The following LHFPL3 variants were observed in gnomAD, a reference collection of about 807,000 sequenced individuals.
The protein encoded by LHFPL3 is LHFPL tetraspan subfamily member 3.
Under a neutral mutation model 19.3 loss-of-function variants are expected in LHFPL3, and 5 were observed. The ratio of observed to expected loss-of-function variants is 0.26; its 90% CI spans 0.14 to 0.54. LHFPL3 has a LOEUF of 0.54. Ranked by LOEUF, LHFPL3 falls within the 20% of genes least tolerant of loss-of-function variation. LHFPL3 has a pLI of 0.94. For missense variants in LHFPL3, 249 were observed against 307.4 expected (o/e 0.81, Z 1.42); for synonymous variants, 133 against 126.2 (o/e 1.05, Z -0.36).
intron 2 of LHFPL3, among the ~76,000 whole-genome samples, chr7:104,879,360 G>A (rs1041702608): frequency 6.6e-6 from 1 of 152,124 alleles, no homozygotes; most frequent in East Asian, 1.9e-4. Context: ...GGGTTGCAGT[G>A]AGTTGAGATT....
At chr7:104,751,058 T>C (rs959783736) in intron 2 of LHFPL3, among the ~76,000 whole-genome samples, 2 of 138,536 alleles carry the variant, frequency 1.4e-5, no homozygotes, top group African/African-American at 5.4e-5. Flanking sequence ...TTCCTCCAAA[T>C]GTTCTAACTT....
At chr7:104,712,925 A>G (rs1320644449) in intron 1 of LHFPL3, among the ~76,000 whole-genome samples, 1 of 152,234 alleles carries the variant, frequency 6.6e-6, no homozygotes, top group Non-Finnish European at 1.5e-5. Context: ...ATCATTTCAT[A>G]TATAAAAATC....
intron 1 of LHFPL3, among the ~76,000 whole-genome samples, chr7:104,578,502 T>C (rs1311998621): frequency 6.6e-6 from 1 of 152,202 alleles, no homozygotes; most frequent in Non-Finnish European, 1.5e-5. Context: ...TGAAAAAATT[T>C]TAAAGACTTG....
chr7:104,673,218 GAA>G (rs1452892279), intron 1 of LHFPL3, among the ~76,000 whole-genome samples: 2 of 152,188 alleles, frequency 1.3e-5, no homozygotes, highest in Non-Finnish European at 2.9e-5. Context: ...TGCAAAGTAC[GAA>G]AAGAGTTTAT....
chr7:104,514,897 C>T (rs2115783823), intron 1 of LHFPL3, among the ~76,000 whole-genome samples: 1 of 152,278 alleles, frequency 6.6e-6, no homozygotes, highest in Admixed American at 6.5e-5. Flanking sequence ...TCTTATGAAG[C>T]AACCCACCTT....
intron 1 of LHFPL3, among the ~76,000 whole-genome samples, chr7:104,576,401 C>G (rs1272356615): frequency 6.6e-6 from 1 of 152,162 alleles, no homozygotes; most frequent in Non-Finnish European, 1.5e-5. Flanking sequence ...ACTGCAAACA[C>G]ACTATTTATA....
At chr7:104,549,487 A>ACACACACT (rs1417699469) in intron 1 of LHFPL3, among the ~76,000 whole-genome samples, 3 of 149,022 alleles carry the variant, frequency 2.0e-5, no homozygotes, top group Non-Finnish European at 4.4e-5. Flanking sequence ...ACACACACAC[A>ACACACACT]CACTTATGTA....
At chr7:104,824,279 A>ATT (rs1790755666) in intron 2 of LHFPL3, among the ~76,000 whole-genome samples, 2 of 10,386 alleles carry the variant, frequency 1.9e-4, no homozygotes, top group Non-Finnish European at 3.5e-4. Context: ...TATTATATAC[A>ATT]ATATATATAA....
intron 1 of LHFPL3, among the ~76,000 whole-genome samples, chr7:104,593,281 C>T (rs1326732513): frequency 4.6e-5 from 7 of 152,030 alleles, no homozygotes; most frequent in African/African-American, 9.7e-5. Context: ...TATTTCTGCC[C>T]TCATTTCGTT....
chr7:104,509,685 A>T (rs1220232646), intron 1 of LHFPL3, among the ~76,000 whole-genome samples: 1 of 152,126 alleles, frequency 6.6e-6, no homozygotes, highest in African/African-American at 2.4e-5. Context: ...CAAGGCAAGG[A>T]TGTCTACTCT....
At chr7:104,739,177 T>C (rs1049449214) in intron 2 of LHFPL3, among the ~76,000 whole-genome samples, 3 of 152,192 alleles carry the variant, frequency 2.0e-5, no homozygotes, top group Admixed American at 2.0e-4. Context: ...CAGACCAGGA[T>C]TTCTAAGCCT....
intron 1 of LHFPL3, among the ~76,000 whole-genome samples, chr7:104,569,891 A>G (rs1047336946): frequency 6.6e-6 from 1 of 152,236 alleles, no homozygotes; most frequent in Non-Finnish European, 1.5e-5. Context: ...CTCAACCACT[A>G]TGCCATACTA....
At chr7:104,413,270 C>G (rs926695749) in intron 1 of LHFPL3, among the ~76,000 whole-genome samples, 1 of 152,192 alleles carries the variant, frequency 6.6e-6, no homozygotes, top group African/African-American at 2.4e-5. Context: ...CACATTGACA[C>G]TGGGGCCATG....
chr7:104,357,783 G>T (rs940824003), intron 1 of LHFPL3, among the ~76,000 whole-genome samples: 6 of 142,138 alleles, frequency 4.2e-5, no homozygotes, highest in African/African-American at 1.3e-4. Context: ...TCCTTCTCCT[G>T]CTCCTCCTTC....
At chr7:104,734,127 C>A (rs868008205) in intron 1 of LHFPL3, among the ~76,000 whole-genome samples, 1 of 152,244 alleles carries the variant, frequency 6.6e-6, no homozygotes, top group Non-Finnish European at 1.5e-5. Flanking sequence ...GTGGGTAACC[C>A]GACCTTTCTC....
chr7:104,643,130 G>C (rs1474316961), intron 1 of LHFPL3, among the ~76,000 whole-genome samples: 2 of 152,124 alleles, frequency 1.3e-5, no homozygotes, highest in African/African-American at 4.8e-5. Context: ...GATAAAATTG[G>C]ATCCACCAAA....
At chr7:104,429,680 G>A (rs751263121) in intron 1 of LHFPL3, among the ~76,000 whole-genome samples, 1 of 152,054 alleles carries the variant, frequency 6.6e-6, no homozygotes, top group Non-Finnish European at 1.5e-5. Context: ...TTAGGCTATA[G>A]CAGTGCAACT....
In LHFPL3 at chr7:104,556,304, C is replaced by G. The variant is rs1438708380; in HGVS notation, c.446-180371C>G. ...GAGGTTCTCCATGAGGGTCCCCCCC[C>G]TGCAGCAAACTCTGCCTGGGCATCC... On this transcript the variant is annotated intron_variant, in intron 1 of 2. Coordinates refer to ENST00000424859, the MANE Select transcript of LHFPL3 (RefSeq NM_199000.3). 4.6e-5 allele frequency among the ~76,000 whole-genome samples: 7 copies of G among 152,344 alleles called. No homozygotes were observed. The East Asian group carries it at 9.7e-4, about 21-fold the overall frequency.
At chr7:104,373,697 G>A (rs2116436460) in intron 1 of LHFPL3, among the ~76,000 whole-genome samples, 1 of 151,800 alleles carries the variant, frequency 6.6e-6, no homozygotes, top group South Asian at 2.1e-4. Context: ...CAGGTGGGAG[G>A]TGGGAGGGTG....
Sources: allele counts gnomAD v4.1 joint callset (sites outside exome capture counted in the v4.1 genomes callset), GRCh38; gene constraint gnomAD v4.1.1; transcripts MANE v1.5; gene names NCBI Gene and HGNC (gene_info 2026-07-23, HGNC 2026-07-21).